Variants in FARP1 observed in about 807,000 individuals in gnomAD.
FARP1 encodes the protein FERM, ARH/RhoGEF and pleckstrin domain protein 1.
Under a neutral mutation model 128.8 loss-of-function variants are expected in FARP1, and 52 were observed. The ratio of observed to expected loss-of-function variants is 0.40; its 90% CI spans 0.32 to 0.51. The LOEUF is 0.51. Ranked by LOEUF, FARP1 falls within the 20% of genes least tolerant of loss-of-function variation. The pLI is 0.45. For synonymous variants in FARP1, 580 were observed against 551.8 expected (o/e 1.05, Z -0.72); for missense variants, 1,333 against 1,367.9 (o/e 0.97, Z 0.40).
At chr13:98,146,999 G>T (rs67393898) in intron 1 of FARP1, among the ~76,000 whole-genome samples, 32,237 of 152,126 alleles carry the variant, frequency 0.21, 4,709 homozygotes, top group African/African-American at 0.42. Flanking sequence ...TGGCCAGGAA[G>T]ATCAGAGCCA....
chr13:98,304,832 C>T (rs973741684), intron 2 of FARP1, among the ~76,000 whole-genome samples: 5 of 152,190 alleles, frequency 3.3e-5, no homozygotes, highest in African/African-American at 4.8e-5. Context: ...AGAAAATTAA[C>T]GTATTATCTG....
At chr13:98,351,871 C>T (rs574519354) in intron 3 of FARP1, among the ~76,000 whole-genome samples, 2 of 152,168 alleles carry the variant, frequency 1.3e-5, no homozygotes, top group Admixed American at 6.5e-5. Context: ...ATGAGGGACC[C>T]GTCCCCGTGA....
intron 2 of FARP1, among the ~76,000 whole-genome samples, chr13:98,285,914 C>T (rs541057176): frequency 3.2e-4 from 48 of 152,278 alleles, no homozygotes; most frequent in Non-Finnish European, 2.2e-4. Flanking sequence ...GTTCCACGGC[C>T]CCTTCCTGGC....
intron 2 of FARP1, among the ~76,000 whole-genome samples, chr13:98,326,961 GT>G (rs1411673072): frequency 6.6e-6 from 1 of 152,164 alleles, no homozygotes; most frequent in Non-Finnish European, 1.5e-5. Flanking sequence ...GAGCACTCAT[GT>G]TATTGTTTAT....
chr13:98,376,759 G>GTTTTTTTTTTT (rs34686053), intron 5 of FARP1, among the ~76,000 whole-genome samples: 2 of 103,450 alleles, frequency 1.9e-5, no homozygotes, highest in African/African-American at 3.6e-5. Flanking sequence ...GGTTTTTTGT[G>GTTTTTTTTTTT]TTTTTTTTTT....
At chr13:98,302,459 G>C (rs1307775123) in intron 2 of FARP1, among the ~76,000 whole-genome samples, 1 of 152,034 alleles carries the variant, frequency 6.6e-6, no homozygotes, top group East Asian at 1.9e-4. Context: ...GCTTCTCCCT[G>C]TCCGGGGCAG....
chr13:98,297,882 G>C (rs1008298710), intron 2 of FARP1, among the ~76,000 whole-genome samples: 5 of 152,172 alleles, frequency 3.3e-5, no homozygotes, highest in Non-Finnish European at 7.3e-5. Context: ...TAAGTTCCTT[G>C]TCATGTTACA....
Position 98,448,629 on chromosome 13 carries a change from C to G in FARP1, c.*312C>G, listed in dbSNP as rs1893015761. On this transcript the variant is annotated 3_prime_UTR_variant, in exon 27 of 27. Transcript: ENST00000319562. The stretch of plus-strand genomic sequence containing the variant: ...CCCTGCCCCTGAAAAACAGTACACA[C>G]ACATCCGTTCAACACAAGACAGGGC... The G allele has an allele frequency of 3.2e-6, 1 of 315,402 alleles. No homozygotes were observed. Among genetic ancestry groups the G allele is most frequent in the Admixed American group, 4.7e-5 (1 of 21,064 alleles). The allele number at this position is 315,402 out of a possible 1,614,324, so 19.5% of individuals were successfully genotyped here.
At chr13:98,145,160 C>T (rs1175459849) in intron 1 of FARP1, among the ~76,000 whole-genome samples, 1 of 152,182 alleles carries the variant, frequency 6.6e-6, no homozygotes, top group East Asian at 1.9e-4. Context: ...CTTCCTAGCC[C>T]AGCGCCTCCC....
chr13:98,327,754 A>C (rs1395404280), intron 2 of FARP1, among the ~76,000 whole-genome samples: 2 of 152,194 alleles, frequency 1.3e-5, no homozygotes, highest in South Asian at 4.1e-4. Flanking sequence ...AGGATGAGAC[A>C]GTTTGTAAAT....
intron 1 of FARP1, among the ~76,000 whole-genome samples, chr13:98,182,261 GTTTT>G: frequency 6.6e-6 from 1 of 151,696 alleles, no homozygotes; most frequent in East Asian, 1.9e-4. Context: ...TCTTTTTACT[GTTTT>G]TTTTTACCTT....
chr13:98,170,246 C>T (rs913697424), intron 1 of FARP1, among the ~76,000 whole-genome samples: 7 of 152,066 alleles, frequency 4.6e-5, no homozygotes, highest in South Asian at 2.1e-4. Flanking sequence ...TGCAGTGGCG[C>T]GATCTCAGAT....
At chr13:98,153,104 A>C (rs1477129445) in intron 1 of FARP1, among the ~76,000 whole-genome samples, 1 of 151,572 alleles carries the variant, frequency 6.6e-6, no homozygotes, top group South Asian at 2.1e-4. Context: ...TTGTAATCTT[A>C]ACTGGAGTGT....
intron 15 of FARP1, 26 bp from the exon 16 acceptor site, chr13:98,411,875 T>C (rs1050132092): frequency 1.2e-6 from 2 of 1,610,596 alleles, no homozygotes; most frequent in Non-Finnish European, 1.7e-6. Context: ...TTTCCACCCG[T>C]AAGTGCATCG....
At chr13:98,444,835 C>T (rs778065247) in intron 24 of FARP1, among the ~76,000 whole-genome samples, 1 of 152,142 alleles carries the variant, frequency 6.6e-6, no homozygotes, top group South Asian at 2.1e-4. Flanking sequence ...AGTGTGCCAC[C>T]CTCCTTGCTC....
intron 2 of FARP1, among the ~76,000 whole-genome samples, chr13:98,218,719 G>C (rs749110672): frequency 6.6e-6 from 1 of 152,160 alleles, no homozygotes; most frequent in Non-Finnish European, 1.5e-5. Context: ...CCTTATGTGC[G>C]TGTGGGGTGG....
At chr13:98,215,563 T>G (rs1361659792) in intron 2 of FARP1, among the ~76,000 whole-genome samples, 1 of 152,222 alleles carries the variant, frequency 6.6e-6, no homozygotes, top group Admixed American at 6.5e-5. Flanking sequence ...ACAAAGTGTT[T>G]GGAGCAATTC....
chr13:98,177,642 G>A (rs1167115158), intron 1 of FARP1, among the ~76,000 whole-genome samples: 1 of 144,902 alleles, frequency 6.9e-6, no homozygotes, highest in Non-Finnish European at 1.5e-5. Context: ...GCGAGACCCT[G>A]TCTCAAATTA....
At chr13:98,296,887 A>G (rs1023251193) in intron 2 of FARP1, among the ~76,000 whole-genome samples, 24 of 151,988 alleles carry the variant, frequency 1.6e-4, no homozygotes, top group Admixed American at 6.6e-5. Context: ...GTGTCACTAC[A>G]TTGCCCAGGC....
Sources: gnomAD v4.1 joint callset for allele counts (sites outside exome capture counted in the v4.1 genomes callset) on GRCh38, gnomAD v4.1.1 for gene constraint, MANE v1.5 for transcripts, NCBI Gene and HGNC (gene_info 2026-07-23, HGNC 2026-07-21) for gene names.